ELMO1: variants seen among roughly 807,000 people sequenced by gnomAD.
ELMO1 encodes engulfment and cell motility 1.
ELMO1 carries 26 observed loss-of-function variants against 98.9 expected under a neutral mutation model. That is an observed-to-expected ratio of 0.26 (90% CI 0.19 to 0.36). The LOEUF (loss-of-function observed/expected upper bound fraction) is 0.36. Among genes scored for constraint, ELMO1 ranks in the 10% least tolerant of loss-of-function variants. ELMO1 has a pLI of 1.00. For synonymous variants in ELMO1, 346 were observed against 346.0 expected, an observed-to-expected ratio of 1.00 and a Z score of 0.00; for missense variants, 627 against 935.2, an observed-to-expected ratio of 0.67 and a Z score of 4.30.
intron 1 of ELMO1, among the ~76,000 whole-genome samples, chr7:37,348,323 G>A (rs1208291567): frequency 1.3e-5 from 2 of 152,116 alleles, no homozygotes; most frequent in South Asian, 2.1e-4. Context: ...AAACAAAAGG[G>A]AAGTCTAGGC....
chr7:36,986,916 T>C (rs1410471973), intron 16 of ELMO1, among the ~76,000 whole-genome samples: 1 of 152,124 alleles, frequency 6.6e-6, no homozygotes, highest in Admixed American at 6.5e-5. Flanking sequence ...CTAATTAAAA[T>C]TACTGCAACT....
chr7:36,900,407 A>G (rs1001904674), intron 16 of ELMO1, among the ~76,000 whole-genome samples: 4 of 152,234 alleles, frequency 2.6e-5, no homozygotes, highest in African/African-American at 9.6e-5. Flanking sequence ...GGTATGAGCA[A>G]TGTCAAAGGC....
chr7:37,308,620 A>G (rs1798735707), intron 4 of ELMO1, among the ~76,000 whole-genome samples: 1 of 152,234 alleles, frequency 6.6e-6, no homozygotes, highest in Non-Finnish European at 1.5e-5. Flanking sequence ...TGTGATTATC[A>G]GGAAGGTTAG....
intron 7 of ELMO1, among the ~76,000 whole-genome samples, chr7:37,237,857 T>G (rs1794562818): frequency 6.6e-6 from 1 of 152,246 alleles, no homozygotes. Context: ...GTTAAAAATT[T>G]CAGTGCAGGT....
chr7:37,388,440 C>A (rs1245403427), intron 1 of ELMO1, among the ~76,000 whole-genome samples: 8 of 148,408 alleles, frequency 5.4e-5, no homozygotes, highest in Non-Finnish European at 1.0e-4. Flanking sequence ...ATATTATAAT[C>A]ATGTACCACC....
intron 15 of ELMO1, among the ~76,000 whole-genome samples, chr7:37,053,160 A>C (rs530251952): frequency 6.6e-6 from 1 of 152,320 alleles, no homozygotes; most frequent in South Asian, 2.1e-4. Context: ...GCACATGGCC[A>C]AAAATCAAAA....
chr7:37,003,815 T>C (rs1348642367), intron 16 of ELMO1, among the ~76,000 whole-genome samples: 2 of 152,198 alleles, frequency 1.3e-5, no homozygotes, highest in East Asian at 1.9e-4. Flanking sequence ...AGCTCTTGTT[T>C]TGGCGTCTTT....
chr7:37,107,070 T>C (rs1226793328), intron 14 of ELMO1, among the ~76,000 whole-genome samples: 1 of 152,222 alleles, frequency 6.6e-6, no homozygotes, highest in East Asian at 1.9e-4. Context: ...CTACAGTGTA[T>C]TACCCTTTGA....
At chr7:37,156,628 T>C (rs937211548) in intron 13 of ELMO1, among the ~76,000 whole-genome samples, 4 of 152,184 alleles carry the variant, frequency 2.6e-5, no homozygotes, top group African/African-American at 7.2e-5. Context: ...CAGGAAGTAG[T>C]TGAATCTCTG....
intron 1 of ELMO1, among the ~76,000 whole-genome samples, chr7:37,432,672 T>C (rs767675757): frequency 2.0e-5 from 3 of 152,202 alleles, no homozygotes; most frequent in Non-Finnish European, 4.4e-5. Flanking sequence ...GAAATGTGGG[T>C]AACCACACAT....
At chr7:37,391,063 C>CTCT (rs1803056547) in intron 1 of ELMO1, among the ~76,000 whole-genome samples, 1 of 146,678 alleles carries the variant, frequency 6.8e-6, no homozygotes, top group African/African-American at 2.6e-5. Context: ...TTCCTTCCTC[C>CTCT]CTCCCTCCCT....
chr7:37,329,373 C>A (rs1799984252), intron 2 of ELMO1, among the ~76,000 whole-genome samples: 1 of 152,086 alleles, frequency 6.6e-6, no homozygotes, highest in African/African-American at 2.4e-5. Flanking sequence ...TTAGCATACC[C>A]ATCATCTCAA....
chr7:37,234,543 G>A (rs557201496), intron 7 of ELMO1, among the ~76,000 whole-genome samples: 1 of 152,162 alleles, frequency 6.6e-6, no homozygotes, highest in Non-Finnish European at 1.5e-5. Context: ...GGCAACAGAG[G>A]GGATGCAACC....
intron 15 of ELMO1, among the ~76,000 whole-genome samples, chr7:37,088,448 G>A (rs1212501774): frequency 6.6e-6 from 1 of 152,130 alleles, no homozygotes; most frequent in African/African-American, 2.4e-5. Context: ...CTAAGCTTGT[G>A]CATATTCAAG....
chr7:37,053,769 G>A (rs986852951), intron 15 of ELMO1, among the ~76,000 whole-genome samples: 1 of 151,920 alleles, frequency 6.6e-6, no homozygotes, highest in Non-Finnish European at 1.5e-5. Context: ...CTTTCTCCTC[G>A]GGTTATTGAT....
intron 15 of ELMO1, among the ~76,000 whole-genome samples, chr7:37,060,631 C>A (rs1455711713): frequency 6.6e-6 from 1 of 151,254 alleles, no homozygotes; most frequent in Non-Finnish European, 1.5e-5. Flanking sequence ...CACATGTACC[C>A]TCTGAACCTA....
At chr7:37,133,482 T>C (rs565209506) in intron 13 of ELMO1, among the ~76,000 whole-genome samples, 1 of 152,234 alleles carries the variant, frequency 6.6e-6, no homozygotes, top group South Asian at 2.1e-4. Flanking sequence ...TATTCAAACA[T>C]AGGATTATTC....
intron 16 of ELMO1, among the ~76,000 whole-genome samples, chr7:36,924,675 T>C (rs1221206598): frequency 1.3e-5 from 2 of 152,062 alleles, no homozygotes; most frequent in Non-Finnish European, 2.9e-5. Context: ...ACTAAACTTA[T>C]TACGTTATAG....
intron 15 of ELMO1, among the ~76,000 whole-genome samples, chr7:37,048,590 T>C (rs1270361440): frequency 6.6e-6 from 1 of 152,224 alleles, no homozygotes; most frequent in Non-Finnish European, 1.5e-5. Flanking sequence ...AGCGAAAACA[T>C]GGATCGTTTA....
Sources: allele counts gnomAD v4.1 joint callset (sites outside exome capture counted in the v4.1 genomes callset), GRCh38; gene constraint gnomAD v4.1.1; transcripts MANE v1.5; gene names NCBI Gene and HGNC (gene_info 2026-07-23, HGNC 2026-07-21).